TBL3: variants seen among roughly 807,000 people sequenced by gnomAD.
The protein encoded by TBL3 is transducin beta-like protein 3.
Under a neutral mutation model 102.7 loss-of-function variants are expected in TBL3, and 71 were observed. The ratio of observed to expected loss-of-function variants is 0.69; its 90% CI spans 0.57 to 0.84. The LOEUF (loss-of-function observed/expected upper bound fraction) is 0.84. Ranked by LOEUF, TBL3 falls within the 40% of genes least tolerant of loss-of-function variation. The pLI is 0.00. For synonymous variants in TBL3, 578 were observed against 477.7 expected (o/e 1.21, Z -2.74); for missense variants, 1,188 against 1,098.5 (o/e 1.08, Z -1.15).
At chr16:1,973,211 G>T (rs943535015) in intron 1 of TBL3, among the ~76,000 whole-genome samples, 9 of 152,138 alleles carry the variant, frequency 5.9e-5, no homozygotes, top group South Asian at 2.1e-4. Context: ...GGAGGCCGAA[G>T]CGGGCGGATC....
At position 1,979,371 on chromosome 16, in the gene TBL3, T is replaced by G; in HGVS notation, c.*686T>G. On this transcript the variant is annotated 3_prime_UTR_variant, in exon 22 of 22. Coordinates refer to ENST00000568546, the MANE Select transcript of TBL3 (RefSeq NM_006453.3). Reference sequence around the variant, plus strand: ...GTACCTGCGAGGGGCGGGGTGTGGTTAGGGCCCCGCCCGCCTCGGCTAGCC... The same window carrying G: ...GTACCTGCGAGGGGCGGGGTGTGGTGAGGGCCCCGCCCGCCTCGGCTAGCC... The G allele has an allele frequency of 6.3e-7, 1 of 1,587,648 alleles. No homozygotes were observed. The highest frequency in any genetic ancestry group is 2.3e-5 in the East Asian group (1 of 43,578).
rs767557203 is a variant in TBL3 at position 1,976,898 on chromosome 16, C to A, written c.1377C>A (p.Asn459Lys). The stretch of plus-strand genomic sequence containing the variant: ...TTCCCAAAGCCTTGCTGTCCAAGAA[C>A]ACAGCCCCAGACAACGGCCCTATCC... ...WPLPKALLSK[N>K]TAPDNGPILL... The change falls in exon 14 of 22, where the codon AAC (asparagine) becomes AAA (lysine). Residue 459 changes from asparagine to lysine, a missense_variant. Physicochemically the swap from Asn to Lys is moderately conservative, Grantham distance 94. Transcript: ENST00000568546. 6.2e-7 allele frequency: 1 copy of A among 1,614,000 alleles called. No homozygotes were observed. The highest frequency in any genetic ancestry group is 1.7e-5 in the Admixed American group (1 of 60,020).
In TBL3 at chr16:1,980,794, G is replaced by C; in HGVS notation, c.*2109G>C. On this transcript the variant is annotated 3_prime_UTR_variant, in exon 22 of 22. Coordinates refer to ENST00000568546, the MANE Select transcript of TBL3 (RefSeq NM_006453.3). ...CACTGTGCACCCTTGAGAGGGCGGG[G>C]TCCCTCACCCGGATGGCAGGGGCTG... is the stretch of plus-strand genomic sequence containing the variant. 6.6e-7 allele frequency: 1 copy of C among 1,518,390 alleles called. No individual in the cohort carries two copies. Among genetic ancestry groups the C allele is most frequent in the Non-Finnish European group, 9.0e-7 (1 of 1,113,290 alleles). 94.1% of individuals were successfully genotyped at this position (1,518,390 alleles called of 1,614,324 possible). A position where few individuals can be genotyped will look rare whatever the true frequency, so the allele number is the denominator to read the frequency against.
Position 1,975,178 on chromosome 16 carries a change from C to T in TBL3, c.636-9C>T. The T allele has an allele frequency of 1.2e-6, 2 of 1,613,796 alleles. No individual in the cohort carries two copies. Among genetic ancestry groups the T allele is most frequent in the Non-Finnish European group, 1.7e-6 (2 of 1,180,030 alleles). On this transcript the variant is annotated splice_polypyrimidine_tract_variant and intron_variant, in intron 7 of 21. Transcript: ENST00000568546. ...AAGACTTGACCTGAGGTTGCCGTTG[C>T]TCCTTCAGCTCCGGCCGTGACAAGA...
chr16:1,979,209 G>A lies in TBL3; in HGVS notation c.*524G>A, dbSNP rs370849919. ...GGTGGGCACGGTGGGGGGAGGGGCG[G>A]TGGCCTGGGAGGGTTCAGGGAAGCC... is the stretch of plus-strand genomic sequence containing the variant. On this transcript the variant is annotated 3_prime_UTR_variant, in exon 22 of 22. Coordinates refer to ENST00000568546, the MANE Select transcript of TBL3 (RefSeq NM_006453.3). 1.7e-4 allele frequency: 255 copies of A among 1,467,212 alleles called. No individual in the cohort carries two copies. The East Asian group carries it at 6.0e-3, about 35-fold the overall frequency. The allele number at this position is 1,467,212 out of a possible 1,614,324, so 90.9% of individuals were successfully genotyped here. A position where few individuals can be genotyped will look rare whatever the true frequency, so the allele number is the denominator to read the frequency against.
rs1489605902 is a variant in TBL3 at position 1,979,132 on chromosome 16, C to G, written c.*447C>G. 4.7e-6 allele frequency: 7 copies of G among 1,480,242 alleles called. No homozygotes were observed. The highest frequency in any genetic ancestry group is 2.7e-5 in the Admixed American group (1 of 36,434). 91.7% of individuals were successfully genotyped at this position (1,480,242 alleles called of 1,614,324 possible). On this transcript the variant is annotated 3_prime_UTR_variant, in exon 22 of 22. Coordinates refer to ENST00000568546, the MANE Select transcript of TBL3 (RefSeq NM_006453.3). ...TGGCGCCGTGGGCGCCGCTCCAGGG[C>G]CCTGCGTGTGACGGTGCAGCAGCGG...
At position 1,974,625 on chromosome 16, in the gene TBL3, A is replaced by G; in HGVS notation, c.325A>G (p.Thr109Ala). ...SVTRLWKAIHTAPVATMAFDP... is the reference protein window; with the variant it reads ...SVTRLWKAIHAAPVATMAFDP... ...TACCCGCCTGTGGAAGGCGATACAC[A>G]CGGCCCCCGTGGCCACCATGGCCTT... Residue 109 changes from threonine (T) to alanine (A), a missense_variant, in exon 5 of 22, where the codon ACG becomes GCG. Transcript: ENST00000568546. The G allele has an allele frequency of 6.2e-7, 1 of 1,610,294 alleles. No individual in the cohort carries two copies. Among genetic ancestry groups the G allele is most frequent in the Non-Finnish European group, 8.5e-7 (1 of 1,177,724 alleles).
Position 1,977,049 on chromosome 16 carries a change from G to C in TBL3, c.1441-5G>C, listed in dbSNP as rs762628986. 1 of 1,613,056 alleles carries C rather than the reference G, an allele frequency of 6.2e-7. No homozygotes were observed. Among genetic ancestry groups the C allele is most frequent in the Non-Finnish European group, 8.5e-7 (1 of 1,179,744 alleles). ...TGCTGAGCCACCACCTTCTCCCATT[G>C]CCAGGACATCAACAGCGTGGCTATT... On this transcript the variant is annotated splice_region_variant and splice_polypyrimidine_tract_variant and intron_variant, in intron 14 of 21. Coordinates refer to ENST00000568546, the MANE Select transcript of TBL3 (RefSeq NM_006453.3).
rs1168613969 is a variant in TBL3 at position 1,975,386 on chromosome 16, C to T, written c.753C>T (p.Ser251=). 1.9e-6 allele frequency: 3 copies of T among 1,613,996 alleles called. No homozygotes were observed. Among genetic ancestry groups the T allele is most frequent in the African/African-American group, 1.3e-5 (1 of 75,028 alleles). The change falls in exon 9 of 22, where the codon TCC becomes TCT. Residue 251 remains serine (S), a synonymous_variant. Transcript: ENST00000568546. ...AAVLLPEEPV[S]QLGVKSPGLY... is the part of the protein sequence containing the mutation. ...TGCTGTTGCCAGAGGAGCCAGTGTCCCAGCTGGGTGTGAAGTCCCCAGGGC... is the reference window on the plus strand; with the variant it reads ...TGCTGTTGCCAGAGGAGCCAGTGTCTCAGCTGGGTGTGAAGTCCCCAGGGC...
rs777520125 is a variant in TBL3 at position 1,979,333 on chromosome 16, C to A, written c.*648C>A. 1.3e-6 allele frequency: 2 copies of A among 1,574,944 alleles called. No homozygotes were observed. The highest frequency in any genetic ancestry group is 1.7e-6 in the Non-Finnish European group (2 of 1,167,804). ...CGCAGCAGCACCGCGGGGAGTAGGC[C>A]CGCCCGGTCGCCGTACCTGCGAGGG... On this transcript the variant is annotated 3_prime_UTR_variant, in exon 22 of 22. Coordinates refer to ENST00000568546, the MANE Select transcript of TBL3 (RefSeq NM_006453.3).
chr16:1,981,160 G>A lies in TBL3; in HGVS notation c.*2475G>A. 1.2e-6 allele frequency: 2 copies of A among 1,613,540 alleles called. No homozygotes were observed. Among genetic ancestry groups the A allele is most frequent in the Non-Finnish European group, 1.7e-6 (2 of 1,180,002 alleles). On this transcript the variant is annotated 3_prime_UTR_variant, in exon 22 of 22. Coordinates refer to ENST00000568546, the MANE Select transcript of TBL3 (RefSeq NM_006453.3). ...CAGGGCTGCCCCTTGCACTGAAACTGGGTATCGGGGGCCTGCCATGGCTGT... is the reference window on the plus strand; with the variant it reads ...CAGGGCTGCCCCTTGCACTGAAACTAGGTATCGGGGGCCTGCCATGGCTGT...
chr16:1,979,445 G>T lies in TBL3; in HGVS notation c.*760G>T. The stretch of plus-strand genomic sequence containing the variant: ...CGTACCTGCATAGCCACCAGCCGCG[G>T]TCTGACGTTTCCAACACGCGCACGC... On this transcript the variant is annotated 3_prime_UTR_variant, in exon 22 of 22. Coordinates refer to ENST00000568546, the MANE Select transcript of TBL3 (RefSeq NM_006453.3). 2 of 1,610,688 alleles carry T rather than the reference G, an allele frequency of 1.2e-6. No homozygotes were observed. The highest frequency in any genetic ancestry group is 1.7e-6 in the Non-Finnish European group (2 of 1,179,306).
intron 13 of TBL3, 38 bp downstream of exon 13, chr16:1,976,352 G>A (rs1348999247): frequency 1.3e-6 from 2 of 1,574,110 alleles, no homozygotes; most frequent in African/African-American, 2.7e-5. Context: ...TGTCAGGGAG[G>A]TGGAGGCCCA....
intron 19 of TBL3, 42 bp from the exon 20 acceptor site, chr16:1,978,107 T>C (rs921699439): frequency 1.9e-6 from 3 of 1,610,880 alleles, no homozygotes; most frequent in South Asian, 2.2e-5. Flanking sequence ...TTCGGACCAC[T>C]GGGCTCTGCT....
In TBL3 at chr16:1,981,359, C is replaced by T. The variant is rs564949529; in HGVS notation, c.*2674C>T. On this transcript the variant is annotated 3_prime_UTR_variant, in exon 22 of 22. Transcript: ENST00000568546. ...AGTCCTTTGCAGCTTTCTTGCTGTCCCCCAAGCCCACGATCTGGGGGCAGG... is the reference window on the plus strand; with the variant it reads ...AGTCCTTTGCAGCTTTCTTGCTGTCTCCCAAGCCCACGATCTGGGGGCAGG... 13 of 1,417,146 alleles carry T rather than the reference C, an allele frequency of 9.2e-6. No homozygotes were observed. In the Admixed American group the frequency reaches 1.4e-4, roughly 16 times the overall value. 87.8% of individuals were successfully genotyped at this position (1,417,146 alleles called of 1,614,324 possible).
At position 1,981,501 on chromosome 16, in the gene TBL3, G is replaced by A. The variant is rs1047707434; in HGVS notation, c.*2816G>A. On this transcript the variant is annotated 3_prime_UTR_variant, in exon 22 of 22. Coordinates refer to ENST00000568546, the MANE Select transcript of TBL3 (RefSeq NM_006453.3). ...GGGGCGAAGGGTAGGCGGGACTGCTGCCTGGGGCCCTCCTGCCTGCCTCTG... is the reference window on the plus strand; with the variant it reads ...GGGGCGAAGGGTAGGCGGGACTGCTACCTGGGGCCCTCCTGCCTGCCTCTG... 7.2e-6 allele frequency: 3 copies of A among 419,268 alleles called. No individual in the cohort carries two copies. The highest frequency in any genetic ancestry group is 4.0e-5 in the African/African-American group (2 of 50,052). The allele number at this position is 419,268 out of a possible 1,614,324, so 26.0% of individuals were successfully genotyped here.
At position 1,979,436 on chromosome 16, in the gene TBL3, C is replaced by G. The variant is rs755718602; in HGVS notation, c.*751C>G. The G allele has an allele frequency of 1.9e-6, 3 of 1,609,714 alleles. No individual in the cohort carries two copies. The highest frequency in any genetic ancestry group is 1.3e-5 in the African/African-American group (1 of 74,900). ...CCGCTCCCGCGTACCTGCATAGCCA[C>G]CAGCCGCGGTCTGACGTTTCCAACA... On this transcript the variant is annotated 3_prime_UTR_variant, in exon 22 of 22. Coordinates refer to ENST00000568546, the MANE Select transcript of TBL3 (RefSeq NM_006453.3).
rs757714913 is a variant in TBL3 at position 1,978,521 on chromosome 16, A to C, written c.2294-31A>C. The stretch of plus-strand genomic sequence containing the variant: ...GGGGATCCTGGTGGGCGTGTGGACC[A>C]CCCCCCTGACCTCCCTCTGTCCAAC... On this transcript the variant is annotated intron_variant, in intron 21 of 21. Transcript: ENST00000568546. 1.1e-5 allele frequency: 18 copies of C among 1,587,370 alleles called. No homozygotes were observed. In the African/African-American group the frequency reaches 2.4e-4, roughly 21 times the overall value.
rs2083423707 is a variant in TBL3, at chr16:1,978,418, T to C, written c.2240T>C (p.Leu747Pro). 1 of 1,611,138 alleles carries C rather than the reference T, an allele frequency of 6.2e-7. No homozygotes were observed. Among genetic ancestry groups the C allele is most frequent in the East Asian group, 2.2e-5 (1 of 44,846 alleles). Reference protein sequence around the residue: ...VLLRREAPEELLAYEGVRAAL... With the variant: ...VLLRREAPEEPLAYEGVRAAL... ...TTGAGGCGAGAGGCCCCCGAGGAGC[T>C]GCTGGCCTACGAAGGCGTGCGGGCA... Residue 747 changes from leucine (L) to proline (P), a missense_variant, in exon 21 of 22, where the codon CTG becomes CCG. Coordinates refer to ENST00000568546, the MANE Select transcript of TBL3 (RefSeq NM_006453.3).
Sources: allele counts gnomAD v4.1 joint callset (sites outside exome capture counted in the v4.1 genomes callset), GRCh38; gene constraint gnomAD v4.1.1; transcripts MANE v1.5; gene names NCBI Gene and HGNC (gene_info 2026-07-23, HGNC 2026-07-21).